The following BTBD9 variants were observed in gnomAD, a reference collection of about 807,000 sequenced individuals.
BTBD9 encodes BTB/POZ domain-containing protein 9.
A neutral mutation model predicts 64.3 loss-of-function variants in BTBD9; 49 were observed. That is an observed-to-expected ratio of 0.76 (90% CI 0.61 to 0.97). The LOEUF (loss-of-function observed/expected upper bound fraction) is 0.97. Among genes scored for constraint, BTBD9 ranks in the 50% least tolerant of loss-of-function variants. The pLI is 0.00. For synonymous variants in BTBD9, 260 were observed against 274.7 expected (o/e 0.95, Z 0.53); for missense variants, 598 against 762.1 (o/e 0.78, Z 2.53).
Position 38,600,789 on chromosome 6 carries a change from T to C in BTBD9, c.-27-2668A>G, listed in dbSNP as rs138973873. ...GAAATTTATTTCTTAAACTGATATATCATAAACATTAATATTACATATGTA... is the reference window on the plus strand; with the variant it reads ...GAAATTTATTTCTTAAACTGATATACCATAAACATTAATATTACATATGTA... On this transcript the variant is annotated intron_variant, in intron 1 of 10. Coordinates refer to ENST00000481247, the MANE Select transcript of BTBD9 (RefSeq NM_001099272.2). Among the ~76,000 whole-genome samples the C allele has an allele frequency of 2.6e-5, 4 of 152,288 alleles. No individual in the cohort carries two copies. The East Asian group carries it at 5.8e-4, about 22-fold the overall frequency.
intron 6 of BTBD9, among the ~76,000 whole-genome samples, chr6:38,496,957 C>T (rs1272130714): frequency 6.6e-6 from 1 of 152,166 alleles, no homozygotes; most frequent in Admixed American, 6.5e-5. Context: ...CACATGCTCT[C>T]ACCAAGATCC....
intron 6 of BTBD9, among the ~76,000 whole-genome samples, chr6:38,423,484 T>C (rs1768000623): frequency 6.6e-6 from 1 of 152,054 alleles, no homozygotes; most frequent in Admixed American, 6.6e-5. Context: ...TTTAAATTTT[T>C]TGGAGAGATA....
At chr6:38,583,528 A>G (rs1352290081) in intron 4 of BTBD9, among the ~76,000 whole-genome samples, 2 of 152,148 alleles carry the variant, frequency 1.3e-5, no homozygotes, top group Non-Finnish European at 2.9e-5. Flanking sequence ...AACTAGGCCA[A>G]AGACGGGAAC....
intron 6 of BTBD9, among the ~76,000 whole-genome samples, chr6:38,562,783 A>G (rs1446126046): frequency 6.6e-6 from 1 of 152,238 alleles, no homozygotes; most frequent in Non-Finnish European, 1.5e-5. Context: ...AAGCAATGCT[A>G]CAATAAACAT....
chr6:38,420,322 C>T (rs973087307), intron 6 of BTBD9, among the ~76,000 whole-genome samples: 8 of 152,054 alleles, frequency 5.3e-5, no homozygotes, highest in East Asian at 1.9e-4. Context: ...GGCACTGAAA[C>T]GCTTATACTG....
intron 6 of BTBD9, among the ~76,000 whole-genome samples, chr6:38,444,128 T>G (rs930507050): frequency 3.9e-5 from 6 of 152,192 alleles, no homozygotes; most frequent in Non-Finnish European, 7.3e-5. Flanking sequence ...TCAGCTCTAA[T>G]AGCAAAGAGC....
At chr6:38,420,533 T>C (rs528665480) in intron 6 of BTBD9, among the ~76,000 whole-genome samples, 1 of 152,076 alleles carries the variant, frequency 6.6e-6, no homozygotes, top group Admixed American at 6.6e-5. Context: ...GTACCTGTGA[T>C]GGCTACACAG....
At chr6:38,489,805 T>C (rs1771621457) in intron 6 of BTBD9, among the ~76,000 whole-genome samples, 1 of 152,224 alleles carries the variant, frequency 6.6e-6, no homozygotes, top group African/African-American at 2.4e-5. Context: ...ATGTCACACG[T>C]CCTATTCCCA....
At chr6:38,382,713 G>C (rs758271876) in intron 6 of BTBD9, among the ~76,000 whole-genome samples, 2 of 151,820 alleles carry the variant, frequency 1.3e-5, no homozygotes, top group Non-Finnish European at 2.9e-5. Flanking sequence ...AACAATTTTA[G>C]GCATGAGGAA....
intron 6 of BTBD9, among the ~76,000 whole-genome samples, chr6:38,544,027 T>C (rs1040733921): frequency 4.0e-5 from 6 of 151,662 alleles, no homozygotes; most frequent in Non-Finnish European, 7.4e-5. Flanking sequence ...AAACAAAAGT[T>C]AGTAAATTAT....
chr6:38,396,928 G>A (rs1445096718), intron 6 of BTBD9, among the ~76,000 whole-genome samples: 4 of 122,660 alleles, frequency 3.3e-5, no homozygotes, highest in African/African-American at 9.9e-5. Context: ...TTGAGACAAG[G>A]TCTCACTCTG....
intron 1 of BTBD9, among the ~76,000 whole-genome samples, chr6:38,621,458 T>A (rs1054428469): frequency 3.3e-5 from 5 of 152,184 alleles, no homozygotes; most frequent in African/African-American, 1.2e-4. Context: ...AGTTCATTTG[T>A]GGAGAATGGG....
intron 7 of BTBD9, among the ~76,000 whole-genome samples, chr6:38,323,107 G>C (rs139287934): frequency 1.5e-3 from 223 of 152,284 alleles, no homozygotes; most frequent in African/African-American, 4.3e-3. Context: ...AGTTTAACAA[G>C]ATTGGGTGTG....
chr6:38,234,699 G>A (rs755028480), intron 9 of BTBD9, among the ~76,000 whole-genome samples: 8 of 152,234 alleles, frequency 5.3e-5, no homozygotes, highest in Non-Finnish European at 8.8e-5. Flanking sequence ...TGGAGACAGA[G>A]GCACAGAGAG....
intron 7 of BTBD9, among the ~76,000 whole-genome samples, chr6:38,327,306 T>C (rs527927180): frequency 5.9e-5 from 9 of 152,122 alleles, no homozygotes; most frequent in South Asian, 4.1e-4. Context: ...TCCACTCCTA[T>C]ACAATCATTT....
At position 38,597,669 on chromosome 6, in the gene BTBD9, GTTGA is replaced by G. The variant is rs143657883; in HGVS notation, c.185+237_185+240del. Among the ~76,000 whole-genome samples the G allele has an allele frequency of 1.9e-3, 283 of 152,300 alleles. 2 individuals carry two copies. The highest frequency in any genetic ancestry group is 6.3e-3 in the African/African-American group (263 of 41,556). On this transcript the variant is annotated intron_variant, in intron 2 of 10. Coordinates refer to ENST00000481247, the MANE Select transcript of BTBD9 (RefSeq NM_001099272.2). Reference sequence around the variant, plus strand: ...AACATTCTTGAGACCTTGAAAAATGGTTGATTGGGCACTATTTGGTCTGGGAATC... The same window carrying G: ...AACATTCTTGAGACCTTGAAAAATGGTTGGGCACTATTTGGTCTGGGAATC...
At chr6:38,430,398 G>A (rs2127294541) in intron 6 of BTBD9, among the ~76,000 whole-genome samples, 1 of 151,270 alleles carries the variant, frequency 6.6e-6, no homozygotes, top group East Asian at 2.0e-4. Flanking sequence ...ATGTTTTATG[G>A]GTTTTGTTTA....
chr6:38,425,672 G>C (rs1768111100), intron 6 of BTBD9, among the ~76,000 whole-genome samples: 1 of 151,436 alleles, frequency 6.6e-6, no homozygotes, highest in Non-Finnish European at 1.5e-5. Context: ...TTGGGAGGCT[G>C]AGGTGGGTCC....
At chr6:38,597,739 G>C (rs925322475) in intron 2 of BTBD9, among the ~76,000 whole-genome samples, 171 bp downstream of exon 2, 1 of 152,084 alleles carries the variant, frequency 6.6e-6, no homozygotes, top group African/African-American at 2.4e-5. Context: ...TAAAGGAAAA[G>C]GTGATTCTCA....
Sources: gnomAD v4.1 joint callset for allele counts (sites outside exome capture counted in the v4.1 genomes callset) on GRCh38, gnomAD v4.1.1 for gene constraint, MANE v1.5 for transcripts, NCBI Gene and HGNC (gene_info 2026-07-23, HGNC 2026-07-21) for gene names.